Variants in SLC35D1 observed in about 807,000 individuals in gnomAD.
SLC35D1 encodes the protein solute carrier family 35 member D1.
A neutral mutation model predicts 46.7 loss-of-function variants in SLC35D1; 31 were observed. That is an observed-to-expected ratio of 0.66 (90% CI 0.50 to 0.90). SLC35D1 has a LOEUF of 0.90. Ranked by LOEUF, SLC35D1 falls within the 40% of genes least tolerant of loss-of-function variation. The pLI is 0.00. For synonymous variants in SLC35D1, 195 were observed against 164.6 expected (o/e 1.18, Z -1.41); for missense variants, 397 against 426.2 (o/e 0.93, Z 0.60).
At chr1:66,987,011 A>C in the SLC35D1 span, 1 of 152,376 alleles carries the variant, frequency 6.6e-6, no homozygotes, top group Non-Finnish European at 1.5e-5. Context: ...AAGTTCTTGC[A>C]AACTCTTACT....
At chr1:66,993,801 A>G in the SLC35D1 span, among the ~76,000 whole-genome samples, 1 of 152,216 alleles carries the variant, frequency 6.6e-6, no homozygotes, top group African/African-American at 2.4e-5. Flanking sequence ...AGCATGTAAA[A>G]ATGGCTCAAT....
intron 10 of SLC35D1, among the ~76,000 whole-genome samples, chr1:67,019,854 A>G (rs1667761220): frequency 6.6e-6 from 1 of 152,216 alleles, no homozygotes; most frequent in African/African-American, 2.4e-5. Flanking sequence ...GCTGAAGACA[A>G]ATTAGTCTGC....
chr1:66,976,277 C>T, the SLC35D1 span, among the ~76,000 whole-genome samples: 2 of 152,238 alleles, frequency 1.3e-5, no homozygotes, highest in African/African-American at 4.8e-5. Flanking sequence ...GCTGGGATTA[C>T]AGGCGTGAGC....
At chr1:67,008,531 T>C (rs1056604267) in intron 11 of SLC35D1, 32 of 1,092,682 alleles carry the variant, frequency 2.9e-5, no homozygotes, top group Non-Finnish European at 3.7e-5. Flanking sequence ...GAATGGAACG[T>C]GCCGAACTGC....
In SLC35D1 at chr1:67,012,960, TG is replaced by T. The variant is rs1435109312; in HGVS notation, c.877-3794del. 9.2e-5 allele frequency among the ~76,000 whole-genome samples: 14 copies of T among 152,116 alleles called. 1 individual carries two copies. The East Asian group carries it at 2.7e-3, about 29-fold the overall frequency. ...AGTCATAACTTTGGTTAAGTCTTACTGGTTTCACTTGTGAAGGTATCTTCAA... is the reference window on the plus strand; with the variant it reads ...AGTCATAACTTTGGTTAAGTCTTACTGTTTCACTTGTGAAGGTATCTTCAA... On this transcript the variant is annotated intron_variant, in intron 10 of 11. Transcript: ENST00000235345.
At chr1:66,978,209 A>AAG in the SLC35D1 span, among the ~76,000 whole-genome samples, 13 of 149,464 alleles carry the variant, frequency 8.7e-5, 1 homozygote, top group Non-Finnish European at 5.9e-5. Context: ...AAAAAAAAAA[A>AAG]AAAGATGTGC....
intron 7 of SLC35D1, among the ~76,000 whole-genome samples, chr1:67,045,223 T>G (rs1242945018): frequency 6.6e-6 from 1 of 152,260 alleles, no homozygotes; most frequent in Non-Finnish European, 1.5e-5. Flanking sequence ...TTAATTGTTT[T>G]GAATGTCTTT....
intron 10 of SLC35D1, among the ~76,000 whole-genome samples, chr1:67,014,807 G>A (rs1667647705): frequency 6.8e-6 from 1 of 147,630 alleles, no homozygotes; most frequent in Non-Finnish European, 1.5e-5. Context: ...GTGAGCTTAT[G>A]TCTGTAAATT....
At chr1:66,986,333 A>G in the SLC35D1 span, 10 of 1,559,438 alleles carry the variant, frequency 6.4e-6, no homozygotes, top group Admixed American at 7.8e-5. Flanking sequence ...ATGTAGTTTT[A>G]TATAGCTGAT....
chr1:66,976,573 A>C, the SLC35D1 span: 1 of 1,542,118 alleles, frequency 6.5e-7, no homozygotes, highest in South Asian at 1.2e-5. Context: ...GATTCTTAAA[A>C]GCAAGCATTT....
At chr1:66,988,733 G>A in the SLC35D1 span, 1 of 152,326 alleles carries the variant, frequency 6.6e-6, no homozygotes, top group Admixed American at 6.5e-5. Flanking sequence ...CAAATTGATG[G>A]TGACAGTTTC....
intron 5 of SLC35D1, 145 bp from the exon 6 acceptor site, chr1:67,049,995 C>T (rs1378757106): frequency 1.4e-6 from 1 of 704,108 alleles, no homozygotes. Flanking sequence ...TTTAAAAGAA[C>T]CCCTTTGATA....
rs1478137476 is a variant in SLC35D1, at chr1:67,000,455, A to T, written c.*3885T>A. The T allele has an allele frequency of 2.0e-5, 3 of 152,312 alleles. No individual in the cohort carries two copies. The highest frequency in any genetic ancestry group is 4.4e-5 in the Non-Finnish European group (3 of 68,040). 9.4% of individuals were successfully genotyped at this position (152,312 alleles called of 1,614,324 possible). A position where few individuals can be genotyped will look rare whatever the true frequency, so the allele number is the denominator to read the frequency against. Reference sequence around the variant, plus strand: ...GTAATTGTGTCCAGCAGATATTTTTAAAAAAGAAAAGACAGTGAACAGAAA... The same window carrying T: ...GTAATTGTGTCCAGCAGATATTTTTTAAAAAGAAAAGACAGTGAACAGAAA... On this transcript the variant is annotated 3_prime_UTR_variant, in exon 12 of 12. Coordinates refer to ENST00000235345, the MANE Select transcript of SLC35D1 (RefSeq NM_015139.3).
intron 11 of SLC35D1, among the ~76,000 whole-genome samples, chr1:67,005,308 T>C (rs575387257): frequency 2.6e-5 from 4 of 152,204 alleles, no homozygotes; most frequent in African/African-American, 9.6e-5. Context: ...ACTTGACTCA[T>C]GAACTTGCTG....
chr1:67,040,025 T>G (rs1011254224), intron 8 of SLC35D1, among the ~76,000 whole-genome samples: 2 of 151,524 alleles, frequency 1.3e-5, no homozygotes, highest in Admixed American at 6.6e-5. Flanking sequence ...GACACAGTCT[T>G]GCTTTGTCAC....
chr1:67,050,614 C>T (rs1645298487), intron 4 of SLC35D1, 110 bp from the exon 5 acceptor site: 2 of 882,336 alleles, frequency 2.3e-6, no homozygotes, highest in Admixed American at 2.2e-5. Flanking sequence ...ATGGAAATTC[C>T]ATACAAATTA....
Position 67,053,918 on chromosome 1 carries a change from C to T in SLC35D1, c.96G>A (p.Ala32=), listed in dbSNP as rs767746613. ...TLRDEEELGM[A]SAETLTVFLK... ...GAAACACGGTCAGCGTTTCGGCCGA[C>T]GCCATCCCCAGCTCCTCCTCATCTC... Residue 32 remains alanine, a synonymous_variant, in exon 1 of 12, where the codon GCG becomes GCA. Coordinates refer to ENST00000235345, the MANE Select transcript of SLC35D1 (RefSeq NM_015139.3). 3 of 1,613,816 alleles carry T rather than the reference C, an allele frequency of 1.9e-6. No individual in the cohort carries two copies. Among genetic ancestry groups the T allele is most frequent in the African/African-American group, 1.3e-5 (1 of 75,050 alleles).
the SLC35D1 span, among the ~76,000 whole-genome samples, chr1:66,977,414 G>GT: frequency 2.0e-5 from 3 of 151,870 alleles, no homozygotes; most frequent in Admixed American, 1.3e-4. Context: ...CCAGCATACA[G>GT]TTTTTTTATA....
At chr1:67,028,484 A>G (rs1390264212) in intron 8 of SLC35D1, among the ~76,000 whole-genome samples, 1 of 152,146 alleles carries the variant, frequency 6.6e-6, no homozygotes, top group Non-Finnish European at 1.5e-5. Flanking sequence ...TTTCTGTTCT[A>G]TCAGTTTTTA....
Sources: allele counts gnomAD v4.1 joint callset (sites outside exome capture counted in the v4.1 genomes callset), GRCh38; gene constraint gnomAD v4.1.1; transcripts MANE v1.5; gene names NCBI Gene and HGNC (gene_info 2026-07-23, HGNC 2026-07-21).